ARHGEF4: variants seen among roughly 807,000 people sequenced by gnomAD.
ARHGEF4 encodes the protein APC-stimulated guanine nucleotide exchange factor 1.
Under a neutral mutation model 162.0 loss-of-function variants are expected in ARHGEF4, and 119 were observed. The ratio of observed to expected loss-of-function variants is 0.73; its 90% CI spans 0.63 to 0.86. The LOEUF is 0.86. Among genes scored for constraint, ARHGEF4 ranks in the 40% least tolerant of loss-of-function variants. The pLI, the probability that ARHGEF4 is intolerant of heterozygous loss-of-function variation, is 0.00. For missense variants in ARHGEF4, 2,488 were observed against 2,456.0 expected (o/e 1.01, Z -0.28); for synonymous variants, 1,014 against 979.9 (o/e 1.03, Z -0.65).
intron 1 of ARHGEF4, among the ~76,000 whole-genome samples, chr2:130,907,267 T>C (rs1680878626): frequency 9.5e-6 from 1 of 104,914 alleles, no homozygotes. Context: ...GAGGCTGGAG[T>C]GCAGTGGCAC....
In ARHGEF4 at chr2:130,873,087, G is replaced by A. The variant is rs563366099; in HGVS notation, c.39+36095G>A. The stretch of plus-strand genomic sequence containing the variant: ...CCTTCCCCAGTCTCCAGGGGAATGG[G>A]CACACACAGGCTCTGGAGCCAAAGT... On this transcript the variant is annotated intron_variant, in intron 1 of 13. Transcript: ENST00000409359. Among the ~76,000 whole-genome samples, 8 of 152,312 alleles carry A rather than the reference G, an allele frequency of 5.3e-5. No homozygotes were observed. In the East Asian group the frequency reaches 1.4e-3, roughly 26 times the overall value.
chr2:130,854,845 C>CA (rs1681650421), intron 1 of ARHGEF4, among the ~76,000 whole-genome samples: 9 of 107,638 alleles, frequency 8.4e-5, no homozygotes, highest in Non-Finnish European at 1.4e-4. Context: ...AGGAGTCTGA[C>CA]TTTTATTTAT....
intron 4 of ARHGEF4, among the ~76,000 whole-genome samples, chr2:130,974,004 T>C (rs1195075414): frequency 6.6e-6 from 1 of 152,056 alleles, no homozygotes; most frequent in Non-Finnish European, 1.5e-5. Flanking sequence ...GTGCAGTGGC[T>C]CATGCCTGTA....
At chr2:130,986,672 G>A (rs1686523326) in intron 4 of ARHGEF4, among the ~76,000 whole-genome samples, 1 of 152,176 alleles carries the variant, frequency 6.6e-6, no homozygotes, top group African/African-American at 2.4e-5. Flanking sequence ...CAGCAACTTG[G>A]GCCCAGCGGG....
intron 5 of ARHGEF4, among the ~76,000 whole-genome samples, chr2:131,038,185 C>T (rs191702772): frequency 7.9e-5 from 12 of 152,296 alleles, no homozygotes; most frequent in Admixed American, 2.0e-4. Context: ...ACAGGCAATG[C>T]TCATCCACAA....
intron 1 of ARHGEF4, among the ~76,000 whole-genome samples, chr2:130,911,814 T>A (rs962615849): frequency 1.3e-5 from 2 of 152,214 alleles, no homozygotes; most frequent in African/African-American, 4.8e-5. Flanking sequence ...GGTAGTGCCC[T>A]GGGCAGCGAT....
chr2:130,843,840 C>T (rs1680765590), intron 1 of ARHGEF4, among the ~76,000 whole-genome samples: 1 of 152,172 alleles, frequency 6.6e-6, no homozygotes, highest in Admixed American at 6.5e-5. Context: ...AGGTCAGAGC[C>T]CCAGGGGGGC....
chr2:130,912,757 C>T (rs917593132), intron 1 of ARHGEF4, among the ~76,000 whole-genome samples: 8 of 152,200 alleles, frequency 5.3e-5, no homozygotes, highest in Non-Finnish European at 7.3e-5. Flanking sequence ...ATTGTATGTA[C>T]TGAGACACGC....
intron 4 of ARHGEF4, chr2:130,964,059 A>G (rs1476612256): frequency 1.2e-5 from 7 of 605,110 alleles, no homozygotes; most frequent in African/African-American, 2.0e-5. Flanking sequence ...GGGCGCAGCA[A>G]TGCCCCAGCG....
intron 4 of ARHGEF4, among the ~76,000 whole-genome samples, chr2:130,981,849 A>G (rs1573517334): frequency 6.6e-6 from 1 of 152,270 alleles, no homozygotes; most frequent in South Asian, 2.1e-4. Context: ...CATCCTGTGC[A>G]ATCAAGAAAT....
At position 130,836,957 on chromosome 2, in the gene ARHGEF4, C is replaced by A; in HGVS notation, c.4C>A (p.Leu2Ile). The change falls in exon 1 of 14, where the codon CTC becomes ATC. Residue 2 changes from leucine (L) to isoleucine (I), a missense_variant. By Grantham distance (5) the Leu-to-Ile change is conservative. This residue lies in a region of ARHGEF4 where 171 missense variants were observed against 169.4 expected (regional missense o/e 1.01). Transcript: ENST00000409359. ...TCCGGGCGTCCCGGCGGCCACCATG[C>A]TCAGCGTCGTGCACTTCCTCCGGAG... M[L>I]SVVHFLRSFF... 1.6e-6 allele frequency: 2 copies of A among 1,226,438 alleles called. No homozygotes were observed. The highest frequency in any genetic ancestry group is 2.0e-6 in the Non-Finnish European group (2 of 984,480). The allele number at this position is 1,226,438 out of a possible 1,614,324, so 76.0% of individuals were successfully genotyped here. A position where few individuals can be genotyped will look rare whatever the true frequency, so the allele number is the denominator to read the frequency against.
At chr2:131,037,595 C>A (rs1690394749) in intron 5 of ARHGEF4, among the ~76,000 whole-genome samples, 1 of 151,978 alleles carries the variant, frequency 6.6e-6, no homozygotes, top group Non-Finnish European at 1.5e-5. Flanking sequence ...GTGGACCTCA[C>A]CTCCTGTGCA....
chr2:130,864,435 G>A (rs1682120233), intron 1 of ARHGEF4, among the ~76,000 whole-genome samples: 1 of 152,048 alleles, frequency 6.6e-6, no homozygotes, highest in South Asian at 2.1e-4. Context: ...TAAGGAGTAT[G>A]GCGTTTTGGC....
intron 1 of ARHGEF4, among the ~76,000 whole-genome samples, chr2:130,896,774 G>A (rs1411446766): frequency 6.6e-6 from 1 of 152,166 alleles, no homozygotes; most frequent in East Asian, 1.9e-4. Context: ...GAAGAAGTAG[G>A]CCTCTGAGAC....
At chr2:131,034,981 GC>G (rs997953080) in intron 5 of ARHGEF4, 1 of 983,462 alleles carries the variant, frequency 1.0e-6, no homozygotes, top group African/African-American at 1.8e-5. Context: ...CGCGGGAGGA[GC>G]CCCAGGCCCG....
rs1231801266 is a variant in ARHGEF4, at chr2:131,040,128, A to G, written c.4418A>G (p.Asn1473Ser). The change falls in exon 7 of 14, where the codon AAC becomes AGC. Residue 1473 changes from asparagine to serine, a missense_variant. Asn to Ser is a conservative substitution (Grantham distance 46). Transcript: ENST00000409359. ...AGCAGCAAGGACCAGATGCGGACCA[A>G]CGTCATCAACGAGATCCTCAGCACT... ...AQSSKDQMRT[N>S]VINEILSTER... 9 of 1,613,130 alleles carry G rather than the reference A, an allele frequency of 5.6e-6. No individual in the cohort carries two copies. Among genetic ancestry groups the G allele is most frequent in the Non-Finnish European group, 8.5e-7 (1 of 1,179,708 alleles).
chr2:130,981,110 ACTCT>A (rs536188246), intron 4 of ARHGEF4, among the ~76,000 whole-genome samples: 2 of 152,112 alleles, frequency 1.3e-5, no homozygotes, highest in African/African-American at 4.8e-5. Context: ...GAACCTTAAA[ACTCT>A]CATAGCTCTG....
intron 11 of ARHGEF4, 175 bp downstream of exon 11, chr2:131,043,758 G>A (rs1691003748): frequency 4.9e-6 from 4 of 811,134 alleles, no homozygotes; most frequent in East Asian, 5.4e-5. Flanking sequence ...GGTGGCCCAG[G>A]AGCAGCAGGC....
At chr2:131,041,643 G>A (rs1421899158) in intron 9 of ARHGEF4, 172 bp from the exon 10 acceptor site, 22 of 1,147,906 alleles carry the variant, frequency 1.9e-5, no homozygotes, top group Non-Finnish European at 2.7e-5. Flanking sequence ...ATTAAGCTCT[G>A]CTCTGTGCTT....
Sources: allele counts gnomAD v4.1 joint callset (sites outside exome capture counted in the v4.1 genomes callset), GRCh38; gene constraint gnomAD v4.1.1; regional missense constraint gnomAD v4.1.1; transcripts MANE v1.5; gene names NCBI Gene and HGNC (gene_info 2026-07-23, HGNC 2026-07-21).